The following DPP6 variants were observed in gnomAD, a reference collection of about 807,000 sequenced individuals.
DPP6 encodes the protein dipeptidyl peptidase like 6.
DPP6 carries 69 observed loss-of-function variants against 122.6 expected under a neutral mutation model. The ratio of observed to expected loss-of-function variants is 0.56; its 90% confidence interval spans 0.46 to 0.69. The LOEUF (loss-of-function observed/expected upper bound fraction) is 0.69, where lower values mean the gene tolerates loss of function less well. Among genes scored for constraint, DPP6 ranks in the 30% least tolerant of loss-of-function variants. The pLI is 0.00. For missense variants in DPP6, 928 were observed against 1,116.9 expected, an observed-to-expected ratio of 0.83 and a Z score of 2.41; for synonymous variants, 418 against 433.1, an observed-to-expected ratio of 0.97 and a Z score of 0.43.
chr7:154,060,256 G>C (rs1801528670), intron 1 of DPP6, among the ~76,000 whole-genome samples: 1 of 131,956 alleles, frequency 7.6e-6, no homozygotes, highest in Admixed American at 7.4e-5. Context: ...TGGGGGCGGA[G>C]GCACCCCCCG....
chr7:154,424,489 C>T (rs557132049), intron 1 of DPP6, among the ~76,000 whole-genome samples: 4 of 152,166 alleles, frequency 2.6e-5, no homozygotes, highest in African/African-American at 4.8e-5. Flanking sequence ...AGCCAGCAAT[C>T]GCTGCCTGTG....
At chr7:154,866,640 G>A (rs1239746732) in intron 17 of DPP6, among the ~76,000 whole-genome samples, 1 of 152,240 alleles carries the variant, frequency 6.6e-6, no homozygotes, top group East Asian at 1.9e-4. Flanking sequence ...GCTACGTGGT[G>A]TTCGGAACCT....
At chr7:153,811,758 G>A in the DPP6 span, among the ~76,000 whole-genome samples, 2 of 152,194 alleles carry the variant, frequency 1.3e-5, no homozygotes, top group Non-Finnish European at 2.9e-5. Flanking sequence ...GCTAGATGAA[G>A]ACCATTTTGA....
intron 1 of DPP6, among the ~76,000 whole-genome samples, chr7:153,965,534 A>G (rs1452119985): frequency 2.0e-5 from 3 of 151,836 alleles, no homozygotes; most frequent in Admixed American, 6.6e-5. Context: ...ATTTTTTGAG[A>G]TGGAGTCTCG....
chr7:154,060,156 AC>A (rs1263971215), intron 1 of DPP6, among the ~76,000 whole-genome samples: 1 of 143,106 alleles, frequency 7.0e-6, no homozygotes, highest in East Asian at 2.1e-4. Flanking sequence ...GGCTCTTTGC[AC>A]CCCCATCGCA....
At chr7:154,017,335 CTGGGATTACAGA>C (rs1218207994) in intron 1 of DPP6, among the ~76,000 whole-genome samples, 5 of 152,188 alleles carry the variant, frequency 3.3e-5, no homozygotes, top group African/African-American at 1.2e-4. Flanking sequence ...TCCCAAAGTG[CTGGGATTACAGA>C]TGGGATTACA....
chr7:154,406,877 A>G (rs1563618181), intron 1 of DPP6, among the ~76,000 whole-genome samples: 1 of 152,156 alleles, frequency 6.6e-6, no homozygotes, highest in African/African-American at 2.4e-5. Context: ...TGTTCTTTGG[A>G]TCATGACCAC....
At chr7:153,846,099 CT>C in the DPP6 span, among the ~76,000 whole-genome samples, 13 of 152,214 alleles carry the variant, frequency 8.5e-5, no homozygotes, top group Non-Finnish European at 1.3e-4. Context: ...CTTTTCCCCA[CT>C]AGCACAGCAA....
At chr7:154,373,518 T>C (rs1812854503) in intron 1 of DPP6, among the ~76,000 whole-genome samples, 1 of 152,168 alleles carries the variant, frequency 6.6e-6, no homozygotes, top group South Asian at 2.1e-4. Context: ...ATGGGCACAA[T>C]TTGCACTAAA....
chr7:154,857,553 C>T (rs576566493), intron 17 of DPP6, among the ~76,000 whole-genome samples: 40 of 152,298 alleles, frequency 2.6e-4, no homozygotes, highest in African/African-American at 9.4e-4. Context: ...TGTCCTCTTG[C>T]AGCACTTCAC....
At chr7:154,825,476 G>T (rs1393995659) in intron 16 of DPP6, among the ~76,000 whole-genome samples, 2 of 152,222 alleles carry the variant, frequency 1.3e-5, no homozygotes, top group Non-Finnish European at 2.9e-5. Flanking sequence ...CCAGCTGTCA[G>T]TCAGTCTTCC....
intron 3 of DPP6, chr7:154,475,727 C>G (rs1051488150): frequency 2.6e-5 from 4 of 152,432 alleles, no homozygotes; most frequent in African/African-American, 4.8e-5. Context: ...GAAGATGTAC[C>G]CATCCCTCCA....
At chr7:154,296,966 T>C (rs1248860740) in intron 1 of DPP6, among the ~76,000 whole-genome samples, 2 of 152,162 alleles carry the variant, frequency 1.3e-5, no homozygotes, top group South Asian at 4.1e-4. Context: ...AGGAGATACA[T>C]GCTGACAAGC....
In DPP6 at chr7:154,879,522, C is replaced by T. The variant is rs548048777; in HGVS notation, c.2079-1366C>T. Among the ~76,000 whole-genome samples the T allele has an allele frequency of 7.0e-4, 63 of 89,440 alleles. 8 individuals are homozygous for T. Among genetic ancestry groups the T allele is most frequent in the African/African-American group, 3.2e-3 (58 of 17,912 alleles). The allele number at this position is 89,440 out of a possible 152,430, so 58.7% of individuals were successfully genotyped here. Reference sequence around the variant, plus strand: ...GGAGAATGGCGTGAACCCCAGGGGGCGGAGCCTGCAGTGAGCCGAGATTGT... The same window carrying T: ...GGAGAATGGCGTGAACCCCAGGGGGTGGAGCCTGCAGTGAGCCGAGATTGT... On this transcript the variant is annotated intron_variant, in intron 20 of 25. Coordinates refer to ENST00000377770, the MANE Select transcript of DPP6 (RefSeq NM_130797.4).
intron 1 of DPP6, among the ~76,000 whole-genome samples, chr7:154,000,391 A>C (rs929726004): frequency 6.6e-6 from 1 of 152,188 alleles, no homozygotes; most frequent in African/African-American, 2.4e-5. Flanking sequence ...TGCTGAGAGC[A>C]GGATGAAATC....
chr7:154,736,298 A>G (rs559437813), intron 8 of DPP6, among the ~76,000 whole-genome samples: 1 of 152,340 alleles, frequency 6.6e-6, no homozygotes, highest in Admixed American at 6.5e-5. Context: ...GAGTCTGGGT[A>G]ATAGAGTCAG....
chr7:154,755,769 G>T lies in DPP6; in HGVS notation c.884-13648G>T, dbSNP rs890580109. On this transcript the variant is annotated intron_variant, in intron 8 of 25. Coordinates refer to ENST00000377770, the MANE Select transcript of DPP6 (RefSeq NM_130797.4). The surrounding 1 kb of genome is among the most constrained non-coding windows in gnomAD (Gnocchi z 4.7). ...TAAATCTTGATAGGAAGAAGGAAAA[G>T]GTCAGGATGTTGCCGAGCCCTTGGG... Among the ~76,000 whole-genome samples, 1 of 152,226 alleles carries T rather than the reference G, an allele frequency of 6.6e-6. No individual in the cohort carries two copies. The highest frequency in any genetic ancestry group is 1.5e-5 in the Non-Finnish European group (1 of 68,044).
intron 1 of DPP6, among the ~76,000 whole-genome samples, chr7:153,932,861 G>A (rs535223268): frequency 2.0e-5 from 3 of 152,106 alleles, no homozygotes; most frequent in Non-Finnish European, 4.4e-5. Flanking sequence ...ATCGTGAATT[G>A]TAGCTCCCAT....
chr7:154,465,617 C>T (rs1287490995), intron 2 of DPP6, among the ~76,000 whole-genome samples: 2 of 152,160 alleles, frequency 1.3e-5, no homozygotes, highest in African/African-American at 4.8e-5. Flanking sequence ...AGTTCATCAT[C>T]ACAGGTCATT....
Sources: allele counts gnomAD v4.1 joint callset (sites outside exome capture counted in the v4.1 genomes callset), GRCh38; gene constraint gnomAD v4.1.1; non-coding constraint Gnocchi (gnomAD v3.1); transcripts MANE v1.5; gene names NCBI Gene and HGNC (gene_info 2026-07-23, HGNC 2026-07-21).